ST18: variants seen among roughly 807,000 people sequenced by gnomAD.
The protein encoded by ST18 is ST18 C2H2C-type zinc finger transcription factor.
A neutral mutation model predicts 110.0 loss-of-function variants in ST18; 50 were observed. That is an observed-to-expected ratio of 0.45 (90% CI 0.36 to 0.58). The LOEUF is 0.58. ST18 is among the 20% of genes least tolerant of loss of function. ST18 has a pLI of 0.00. For missense variants in ST18, 1,306 were observed against 1,280.1 expected (o/e 1.02, Z -0.31); for synonymous variants, 461 against 452.4 (o/e 1.02, Z -0.24).
chr8:52,339,701 G>A (rs1813953903), intron 2 of ST18, among the ~76,000 whole-genome samples: 1 of 152,232 alleles, frequency 6.6e-6, no homozygotes. Flanking sequence ...TGGGCTTGGG[G>A]CCAGCCCAAG....
intron 10 of ST18, among the ~76,000 whole-genome samples, chr8:52,170,400 C>T (rs1015348738): frequency 6.6e-6 from 1 of 150,824 alleles, no homozygotes; most frequent in Non-Finnish European, 1.5e-5. Flanking sequence ...TGCAGTGAGC[C>T]GACACGGCGC....
At chr8:52,377,455 T>C (rs981869687) in intron 2 of ST18, among the ~76,000 whole-genome samples, 4 of 152,246 alleles carry the variant, frequency 2.6e-5, no homozygotes, top group African/African-American at 7.2e-5. Context: ...ACATTTCATG[T>C]TGTGGTTCAT....
chr8:52,389,048 A>C (rs1838218812), intron 2 of ST18, among the ~76,000 whole-genome samples: 1 of 151,780 alleles, frequency 6.6e-6, no homozygotes, highest in East Asian at 1.9e-4. Context: ...GGGCCCGAGA[A>C]GCGTGCAGCA....
At chr8:52,386,815 A>G (rs1470306205) in intron 2 of ST18, among the ~76,000 whole-genome samples, 1 of 152,148 alleles carries the variant, frequency 6.6e-6, no homozygotes, top group African/African-American at 2.4e-5. Context: ...GAAGACCAGA[A>G]AACAGTCACA....
intron 25 of ST18, among the ~76,000 whole-genome samples, chr8:52,115,323 C>T (rs758176512): frequency 6.6e-6 from 1 of 152,162 alleles, no homozygotes; most frequent in Non-Finnish European, 1.5e-5. Flanking sequence ...AATGTAGTCT[C>T]TCCTCCAAAG....
rs979326953 is a variant in ST18, at chr8:52,111,259, G to T, written c.*1939C>A. ...TGTTAAAATATTTAGCAAATTAAAC[G>T]TTTGTCTTTGTAATAAGTGAGCTCA... On this transcript the variant is annotated 3_prime_UTR_variant, in exon 26 of 26. Transcript: ENST00000689386. 3.2e-6 allele frequency: 1 copy of T among 313,984 alleles called. No individual in the cohort carries two copies. The highest frequency in any genetic ancestry group is 5.8e-6 in the Non-Finnish European group (1 of 173,234). The allele number at this position is 313,984 out of a possible 1,614,324, so 19.4% of individuals were successfully genotyped here.
rs1364843520 is a variant in ST18 at position 52,172,156 on chromosome 8, T to C, written c.705A>G (p.Glu235=). The change falls in exon 10 of 26, where the codon GAA becomes GAG. Residue 235 remains glutamate (E), a synonymous_variant. Coordinates refer to ENST00000689386, the MANE Select transcript of ST18 (RefSeq NM_001352837.2). Reference sequence around the variant, plus strand: ...TAAATTTGTCACCTTCAGTTTTTATTTCAGGAACTTCCAATAGGTCTTTTT... The same window carrying C: ...TAAATTTGTCACCTTCAGTTTTTATCTCAGGAACTTCCAATAGGTCTTTTT... ...DHKKDLLEVP[E]IKTEGDKFIP... The C allele has an allele frequency of 6.2e-7, 1 of 1,614,100 alleles. No homozygotes were observed. The highest frequency in any genetic ancestry group is 1.1e-5 in the South Asian group (1 of 91,092).
chr8:52,304,967 A>G (rs1326366738), intron 2 of ST18, among the ~76,000 whole-genome samples: 1 of 152,192 alleles, frequency 6.6e-6, no homozygotes, highest in Non-Finnish European at 1.5e-5. Context: ...AGTCTATAGC[A>G]TGCTTTAATT....
intron 16 of ST18, among the ~76,000 whole-genome samples, chr8:52,145,468 A>T (rs1563673671): frequency 6.6e-6 from 1 of 152,120 alleles, no homozygotes; most frequent in Admixed American, 6.5e-5. Context: ...TCAACATTCT[A>T]CCCTTAGAAA....
rs1198549492 is a variant in ST18 at position 52,395,324 on chromosome 8, T to C, written c.-465+14004A>G. 2.0e-5 allele frequency among the ~76,000 whole-genome samples: 3 copies of C among 152,202 alleles called. No homozygotes were observed. The East Asian group carries it at 5.8e-4, about 29-fold the overall frequency. ...TCAAACATATTACACTGGAGATTGA[T>C]AAGTGCTTCAGAAAGCAAAGAAACA... On this transcript the variant is annotated intron_variant, in intron 2 of 25. Coordinates refer to ENST00000689386, the MANE Select transcript of ST18 (RefSeq NM_001352837.2).
chr8:52,114,056 G>A (rs1563455083), intron 25 of ST18, among the ~76,000 whole-genome samples: 1 of 125,398 alleles, frequency 8.0e-6, no homozygotes. Context: ...TGCAACCTCT[G>A]CCTCCCAGGT....
At chr8:52,150,454 A>G (rs2058537393) in intron 15 of ST18, among the ~76,000 whole-genome samples, 1 of 152,204 alleles carries the variant, frequency 6.6e-6, no homozygotes, top group Non-Finnish European at 1.5e-5. Context: ...TATTAATCTC[A>G]CATGAGAAAT....
At chr8:52,352,476 C>T (rs1820815093) in intron 2 of ST18, among the ~76,000 whole-genome samples, 1 of 152,134 alleles carries the variant, frequency 6.6e-6, no homozygotes, top group Non-Finnish European at 1.5e-5. Flanking sequence ...CTCATTTTCC[C>T]CAGAATCCAT....
At chr8:52,233,835 T>C (rs979806522) in intron 2 of ST18, among the ~76,000 whole-genome samples, 46 of 152,352 alleles carry the variant, frequency 3.0e-4, no homozygotes, top group African/African-American at 7.2e-4. Context: ...ATCGAATTTG[T>C]TATTGGATAT....
chr8:52,161,942 G>T (rs2061562510), intron 13 of ST18, among the ~76,000 whole-genome samples: 1 of 152,208 alleles, frequency 6.6e-6, no homozygotes, highest in South Asian at 2.1e-4. Context: ...GGGTGCGGTG[G>T]CTTACGCCTA....
rs577874072 is a variant in ST18, at chr8:52,209,640, C to T, written c.86+2439G>A. ...ACAAAATTAGCCCGGCATGGTGGCTCATGCCTGTAATCCCAGCTACTCGAC... is the reference window on the plus strand; with the variant it reads ...ACAAAATTAGCCCGGCATGGTGGCTTATGCCTGTAATCCCAGCTACTCGAC... On this transcript the variant is annotated intron_variant, in intron 8 of 25. Transcript: ENST00000689386. 2.1e-3 allele frequency among the ~76,000 whole-genome samples: 321 copies of T among 151,698 alleles called. 2 individuals are homozygous for T. Among genetic ancestry groups the T allele is most frequent in the African/African-American group, 7.5e-3 (309 of 41,362 alleles).
intron 17 of ST18, among the ~76,000 whole-genome samples, chr8:52,140,813 T>A (rs1220356509): frequency 2.0e-5 from 3 of 152,178 alleles, no homozygotes; most frequent in Non-Finnish European, 4.4e-5. Flanking sequence ...TACATTTAGT[T>A]TGGGATGACT....
chr8:52,302,429 T>A (rs914860976), intron 2 of ST18, among the ~76,000 whole-genome samples: 17 of 152,300 alleles, frequency 1.1e-4, no homozygotes, highest in Non-Finnish European at 2.4e-4. Context: ...TATGTGTGTA[T>A]GTTTATTTGT....
At chr8:52,265,660 T>G (rs1469536676) in intron 2 of ST18, among the ~76,000 whole-genome samples, 1 of 152,204 alleles carries the variant, frequency 6.6e-6, no homozygotes, top group East Asian at 1.9e-4. Flanking sequence ...AACAACTTCA[T>G]GGAGGGTAGT....
Sources: gnomAD v4.1 joint callset for allele counts (sites outside exome capture counted in the v4.1 genomes callset) on GRCh38, gnomAD v4.1.1 for gene constraint, MANE v1.5 for transcripts, NCBI Gene and HGNC (gene_info 2026-07-23, HGNC 2026-07-21) for gene names.